TIMM23B: variants seen among roughly 807,000 people sequenced by gnomAD.
TIMM23B encodes the protein translocase of inner mitochondrial membrane 23 homolog B, also known as mitochondrial import inner membrane translocase subunit Tim23B.
In TIMM23B, 27 loss-of-function variants were observed where a neutral mutation model predicts 27.3. That is an observed-to-expected ratio of 0.99 (90% CI 0.73 to 1.36). The LOEUF (loss-of-function observed/expected upper bound fraction) is 1.36. TIMM23B is among the 40% of genes most tolerant of loss of function. The pLI is 0.00. For synonymous variants in TIMM23B, 73 were observed against 92.4 expected (o/e 0.79, Z 1.21); for missense variants, 205 against 244.2 (o/e 0.84, Z 1.07).
intron 5 of TIMM23B, among the ~76,000 whole-genome samples, chr10:49,957,146 G>C (rs1839751751): frequency 6.6e-6 from 1 of 151,966 alleles, no homozygotes; most frequent in Admixed American, 6.6e-5. Context: ...TGACCAACCA[G>C]CTTTGTCAGG....
chr10:49,963,985 GATGAA>G (rs1840018215), intron 6 of TIMM23B, among the ~76,000 whole-genome samples: 1 of 152,080 alleles, frequency 6.6e-6, no homozygotes, highest in African/African-American at 2.4e-5. Flanking sequence ...GACATGACAT[GATGAA>G]ATGAAATAAT....
At chr10:49,951,903 A>G (rs1366500799) in intron 2 of TIMM23B, among the ~76,000 whole-genome samples, 1 of 152,242 alleles carries the variant, frequency 6.6e-6, no homozygotes, top group Non-Finnish European at 1.5e-5. Context: ...TGAAGGAAAC[A>G]AAGTCTTTAA....
chr10:49,970,027 C>T (rs546464787), intron 6 of TIMM23B: 67 of 164,618 alleles, frequency 4.1e-4, no homozygotes, highest in Non-Finnish European at 6.9e-4. Context: ...CTCCTAACCG[C>T]GAGTGATCTG....
chr10:49,952,671 C>T (rs1253933091), intron 4 of TIMM23B, 138 bp downstream of exon 4: 1 of 1,087,390 alleles, frequency 9.2e-7, no homozygotes, highest in African/African-American at 1.6e-5. Flanking sequence ...TAATCTTAAT[C>T]AAAATAAAAG....
intron 1 of TIMM23B, chr10:49,943,191 C>G (rs1839214058): frequency 6.6e-6 from 1 of 152,036 alleles, no homozygotes; most frequent in East Asian, 1.9e-4. Context: ...ACTGAATCTA[C>G]AACACATGGT....
intron 1 of TIMM23B, 83 bp downstream of exon 1, chr10:49,942,383 T>C: frequency 2.6e-6 from 4 of 1,549,384 alleles, no homozygotes; most frequent in Non-Finnish European, 3.5e-6. Context: ...TTTTATGTTG[T>C]TGGTTTTTTT....
chr10:49,943,216 T>C (rs1839215636), intron 1 of TIMM23B: 1 of 152,160 alleles, frequency 6.6e-6, no homozygotes, highest in African/African-American at 2.4e-5. Flanking sequence ...TGTTTCGTTT[T>C]TTTTTTGTTT....
Position 49,974,560 on chromosome 10 carries a change from T to C in TIMM23B, c.*1496T>C, listed in dbSNP as rs1338630144. On this transcript the variant is annotated 3_prime_UTR_variant, in exon 7 of 7. Coordinates refer to ENST00000651259, the MANE Select transcript of TIMM23B (RefSeq NM_001290117.2). ...CCCTACTAATAAGTTTTTTAAAAAA[T>C]TATGTAATGTGTGTATATACAAATA... 1 of 151,802 alleles carries C rather than the reference T, an allele frequency of 6.6e-6. No individual in the cohort carries two copies. 9.4% of individuals were successfully genotyped at this position (151,802 alleles called of 1,614,324 possible). A position where few individuals can be genotyped will look rare whatever the true frequency, so the allele number is the denominator to read the frequency against.
intron 6 of TIMM23B, 45 bp downstream of exon 6, chr10:49,958,525 T>C: frequency 6.3e-7 from 1 of 1,588,460 alleles, no homozygotes. Context: ...ATACTTGAAG[T>C]GCGCTTTTTA....
chr10:49,944,808 G>A (rs1839304813), intron 1 of TIMM23B, among the ~76,000 whole-genome samples: 1 of 152,202 alleles, frequency 6.6e-6, no homozygotes, highest in Non-Finnish European at 1.5e-5. Flanking sequence ...TCTTATTGGT[G>A]TAAAAGCCTG....
At chr10:49,956,987 G>A (rs1321037411) in intron 5 of TIMM23B, among the ~76,000 whole-genome samples, 1 of 147,378 alleles carries the variant, frequency 6.8e-6, no homozygotes, top group Non-Finnish European at 1.5e-5. Flanking sequence ...CTCTTTTGCA[G>A]TGGACAGCAG....
At position 49,942,134 on chromosome 10, in the gene TIMM23B, G is replaced by A. The variant is rs1162745662; in HGVS notation, c.-61G>A. ...TTACCCGCTGTTATTGAGGAGTAAC[G>A]GCCCAGCGGACCACCCAGGCTTGAG... On this transcript the variant is annotated 5_prime_UTR_variant, in exon 1 of 7. Transcript: ENST00000651259. 2.6e-6 allele frequency: 4 copies of A among 1,524,536 alleles called. No homozygotes were observed. The highest frequency in any genetic ancestry group is 1.4e-5 in the African/African-American group (1 of 72,300). The allele number at this position is 1,524,536 out of a possible 1,614,324, so 94.4% of individuals were successfully genotyped here.
At position 49,947,564 on chromosome 10, in the gene TIMM23B, G is replaced by A. The variant is rs1394609160; in HGVS notation, c.165+2474G>A. 5.9e-5 allele frequency among the ~76,000 whole-genome samples: 9 copies of A among 151,992 alleles called. No individual in the cohort carries two copies. In the South Asian group the frequency reaches 1.0e-3, roughly 18 times the overall value. On this transcript the variant is annotated intron_variant, in intron 2 of 6. Transcript: ENST00000651259. ...GCAGAGGTTGTGGTGAGCCGAGATCGCACCACCCGCACTTCAGCCTGGGCA... is the reference window on the plus strand; with the variant it reads ...GCAGAGGTTGTGGTGAGCCGAGATCACACCACCCGCACTTCAGCCTGGGCA...
intron 6 of TIMM23B, among the ~76,000 whole-genome samples, chr10:49,962,018 T>C (rs1239652453): frequency 1.3e-5 from 2 of 150,854 alleles, no homozygotes; most frequent in Non-Finnish European, 1.5e-5. Context: ...TAGATCTCTT[T>C]GAGGGTCTTA....
chr10:49,948,546 A>G (rs1839423765), intron 2 of TIMM23B, among the ~76,000 whole-genome samples: 1 of 152,248 alleles, frequency 6.6e-6, no homozygotes, highest in Admixed American at 6.5e-5. Context: ...TAAAAAAAGA[A>G]CTATTAAATT....
intron 2 of TIMM23B, among the ~76,000 whole-genome samples, chr10:49,947,653 C>T (rs1420329858): frequency 1.3e-5 from 2 of 151,430 alleles, no homozygotes; most frequent in East Asian, 2.0e-4. Flanking sequence ...AAAGTCCTGG[C>T]GCAGTGGCTC....
chr10:49,962,301 C>T (rs1839946971), intron 6 of TIMM23B, among the ~76,000 whole-genome samples: 1 of 151,522 alleles, frequency 6.6e-6, no homozygotes. Context: ...CTCCTGGGTT[C>T]AAGCGATTCT....
intron 6 of TIMM23B, among the ~76,000 whole-genome samples, chr10:49,968,266 C>A (rs553327687): frequency 3.3e-4 from 50 of 152,250 alleles, no homozygotes; most frequent in Admixed American, 7.2e-4. Flanking sequence ...TGAGCTCTTA[C>A]GGATAAAGTT....
intron 6 of TIMM23B, 149 bp downstream of exon 6, chr10:49,958,629 T>G: frequency 1.2e-6 from 1 of 845,754 alleles, no homozygotes; most frequent in South Asian, 1.7e-5. Context: ...TTTTTAATTG[T>G]GGTAAAATAT....
Sources: gnomAD v4.1 joint callset for allele counts (sites outside exome capture counted in the v4.1 genomes callset) on GRCh38, gnomAD v4.1.1 for gene constraint, MANE v1.5 for transcripts, NCBI Gene and HGNC (gene_info 2026-07-23, HGNC 2026-07-21) for gene names.